Variants in DGKB observed in about 807,000 individuals in gnomAD.
DGKB encodes diacylglycerol kinase beta.
Under a neutral mutation model 114.3 loss-of-function variants are expected in DGKB, and 67 were observed. That is an observed-to-expected ratio of 0.59 (90% CI 0.48 to 0.72). The LOEUF (loss-of-function observed/expected upper bound fraction) is 0.72. Ranked by LOEUF, DGKB falls within the 30% of genes least tolerant of loss-of-function variation. The pLI, the probability that DGKB is intolerant of heterozygous loss-of-function variation, is 0.00. For synonymous variants in DGKB, 398 were observed against 323.1 expected (o/e 1.23, Z -2.49); for missense variants, 907 against 975.2 (o/e 0.93, Z 0.93).
At chr7:14,418,383 A>ATATATATGTGAATATATGTGTGTG (rs1563143119) in intron 21 of DGKB, among the ~76,000 whole-genome samples, 1 of 146,234 alleles carries the variant, frequency 6.8e-6, no homozygotes, top group Non-Finnish European at 1.5e-5. Context: ...ATATATATAT[A>ATATATATGTGAATATATGTGTGTG]TATATATATA....
intron 23 of DGKB, among the ~76,000 whole-genome samples, chr7:14,215,357 A>G (rs1381052331): frequency 6.6e-6 from 1 of 152,140 alleles, no homozygotes; most frequent in Non-Finnish European, 1.5e-5. Context: ...GAGGCAATGT[A>G]TTTATAAAGT....
At chr7:14,156,911 C>T (rs2128219930) in intron 25 of DGKB, among the ~76,000 whole-genome samples, 1 of 152,188 alleles carries the variant, frequency 6.6e-6, no homozygotes, top group South Asian at 2.1e-4. Flanking sequence ...TCAAATTTGG[C>T]TTAAATGCAT....
At position 14,182,841 on chromosome 7, in the gene DGKB, G is replaced by T. The variant is rs114045245; in HGVS notation, c.2123-4690C>A. Among the ~76,000 whole-genome samples, 12 of 152,282 alleles carry T rather than the reference G, an allele frequency of 7.9e-5. No individual in the cohort carries two copies. In the East Asian group the frequency reaches 2.3e-3, roughly 29 times the overall value. On this transcript the variant is annotated intron_variant, in intron 23 of 25. Coordinates refer to ENST00000402815, the MANE Select transcript of DGKB (RefSeq NM_001350709.2). ...CTGCCATATGTGAAGAAACAGAAGA[G>T]AATGCATTACAAACACAGAATGAAT...
intron 1 of DGKB, among the ~76,000 whole-genome samples, chr7:14,890,800 C>T (rs1302500300): frequency 1.3e-5 from 2 of 150,778 alleles, no homozygotes; most frequent in East Asian, 3.9e-4. Flanking sequence ...CCGAAAATAA[C>T]GTTCATCCCT....
upstream of DGKB, among the ~76,000 whole-genome samples, chr7:14,905,156 G>T (rs1327683928): frequency 6.6e-6 from 1 of 151,554 alleles, no homozygotes; most frequent in Non-Finnish European, 1.5e-5. Context: ...TAAATAAGAA[G>T]GAGTCTAAAC....
At chr7:14,822,795 T>A (rs10241897) in intron 2 of DGKB, among the ~76,000 whole-genome samples, 52,029 of 152,020 alleles carry the variant, frequency 0.34, 10,572 homozygotes, top group Non-Finnish European at 0.45. Context: ...CAGATCAAAG[T>A]GTTAGTTTCT....
At chr7:14,317,508 C>T (rs1453982276) in intron 23 of DGKB, among the ~76,000 whole-genome samples, 1 of 151,730 alleles carries the variant, frequency 6.6e-6, no homozygotes, top group Non-Finnish European at 1.5e-5. Flanking sequence ...AACAGAGAGC[C>T]AAATCATGAG....
At chr7:14,346,645 G>A (rs1386120867) in intron 21 of DGKB, among the ~76,000 whole-genome samples, 3 of 151,950 alleles carry the variant, frequency 2.0e-5, no homozygotes, top group Non-Finnish European at 4.4e-5. Context: ...TGATAGTGAA[G>A]TAGGTTAGAG....
chr7:14,965,884 C>T (rs113641690), intron 1 of DGKB, among the ~76,000 whole-genome samples: 8 of 152,106 alleles, frequency 5.3e-5, no homozygotes, highest in African/African-American at 1.9e-4. Flanking sequence ...ATAGCCATTT[C>T]CATTTTGCTC....
chr7:14,355,022 A>T (rs1172438104), intron 21 of DGKB, among the ~76,000 whole-genome samples: 1 of 152,134 alleles, frequency 6.6e-6, no homozygotes, highest in Non-Finnish European at 1.5e-5. Flanking sequence ...GGCAGCAGAA[A>T]CAACTAGCTG....
At chr7:14,684,760 A>T (rs960376796) in intron 10 of DGKB, among the ~76,000 whole-genome samples, 3 of 152,190 alleles carry the variant, frequency 2.0e-5, no homozygotes, top group African/African-American at 7.2e-5. Flanking sequence ...CTTGAGGTGT[A>T]AAATTAGTTC....
intron 2 of DGKB, among the ~76,000 whole-genome samples, chr7:14,802,331 C>A (rs562665025): frequency 6.6e-6 from 1 of 152,138 alleles, no homozygotes; most frequent in Non-Finnish European, 1.5e-5. Context: ...CAAAAGCAAT[C>A]ATTTTTCTGG....
intron 3 of DGKB, among the ~76,000 whole-genome samples, chr7:14,754,741 T>C (rs1273068119): frequency 2.0e-5 from 3 of 152,148 alleles, no homozygotes; most frequent in Admixed American, 1.3e-4. Flanking sequence ...CTTAACATTA[T>C]ATTATTTACA....
rs1562875428 is a variant in DGKB, at chr7:14,919,092, ACAAAC to A, written c.-188+55599_-188+55603del. On this transcript the variant is annotated intron_variant, in intron 1 of 4. Coordinates refer to the DGKB transcript ENST00000437998. ...CACACACACACACACACACACACAC[ACAAAC>A]ACACACACACACACACACACACACA... 7.0e-5 allele frequency among the ~76,000 whole-genome samples: 9 copies of A among 129,208 alleles called. No individual in the cohort carries two copies. The South Asian group carries it at 1.2e-3, about 17-fold the overall frequency. The allele number at this position is 129,208 out of a possible 152,430, so 84.8% of individuals were successfully genotyped here.
At chr7:14,627,608 A>G (rs1241870965) in intron 14 of DGKB, among the ~76,000 whole-genome samples, 1 of 138,590 alleles carries the variant, frequency 7.2e-6, no homozygotes, top group Non-Finnish European at 1.6e-5. Context: ...GTGTGTGTGT[A>G]GTATACATAC....
At chr7:14,878,710 C>G (rs112925370) in intron 1 of DGKB, among the ~76,000 whole-genome samples, 1 of 145,862 alleles carries the variant, frequency 6.9e-6, no homozygotes, top group Non-Finnish European at 1.5e-5. Context: ...GATTGGGCCA[C>G]TGCCCTCCAG....
At chr7:14,711,277 A>C (rs995831078) in intron 6 of DGKB, among the ~76,000 whole-genome samples, 12 of 152,100 alleles carry the variant, frequency 7.9e-5, no homozygotes, top group Admixed American at 3.9e-4. Context: ...TATAATAACA[A>C]TAATAAAAAT....
chr7:14,322,352 A>C (rs1244596258), intron 23 of DGKB, among the ~76,000 whole-genome samples: 1 of 152,172 alleles, frequency 6.6e-6, no homozygotes, highest in East Asian at 1.9e-4. Flanking sequence ...CATAAACAGA[A>C]ACTTGGGATT....
intron 21 of DGKB, among the ~76,000 whole-genome samples, chr7:14,440,655 T>A (rs893713410): frequency 6.6e-6 from 1 of 152,210 alleles, no homozygotes; most frequent in Non-Finnish European, 1.5e-5. Context: ...CTGTTGATAG[T>A]ACAGTAGGTG....
Sources: allele counts gnomAD v4.1 joint callset (sites outside exome capture counted in the v4.1 genomes callset), GRCh38; gene constraint gnomAD v4.1.1; transcripts MANE v1.5; gene names NCBI Gene and HGNC (gene_info 2026-07-23, HGNC 2026-07-21).